Variants in MAP2 observed in about 807,000 individuals in gnomAD.
The protein encoded by MAP2 is microtubule-associated protein 2.
A neutral mutation model predicts 137.6 loss-of-function variants in MAP2; 14 were observed. That is an observed-to-expected ratio of 0.10 (90% CI 0.07 to 0.16). MAP2 has a LOEUF of 0.16. MAP2 is among the 10% of genes least tolerant of loss of function. The probability of loss-of-function intolerance (pLI) is 1.00; values close to 1 mark genes in which losing one functional copy is unlikely to be tolerated. For missense variants in MAP2, 2,088 were observed against 2,191.5 expected, an observed-to-expected ratio of 0.95 and a Z score of 0.94; for synonymous variants, 786 against 782.3, an observed-to-expected ratio of 1.00 and a Z score of -0.08.
intron 3 of MAP2, among the ~76,000 whole-genome samples, chr2:209,586,393 G>A (rs1429897186): frequency 3.9e-5 from 6 of 152,146 alleles, no homozygotes; most frequent in Non-Finnish European, 8.8e-5. Context: ...GGAAAAGAGG[G>A]TGAGACTTTT....
In MAP2 at chr2:209,573,298, G is replaced by GGTTTTTTTTTTTTTTT. The variant is rs770132978; in HGVS notation, c.-171-6738_-171-6737insGTTTTTTTTTTTTTTT. 1.1e-3 allele frequency among the ~76,000 whole-genome samples: 127 copies of GGTTTTTTTTTTTTTTT among 120,036 alleles called. 2 individuals are homozygous for GGTTTTTTTTTTTTTTT. Among genetic ancestry groups the GGTTTTTTTTTTTTTTT allele is most frequent in the African/African-American group, 3.9e-3 (119 of 30,170 alleles). The allele number at this position is 120,036 out of a possible 152,430, so 78.7% of individuals were successfully genotyped here. On this transcript the variant is annotated intron_variant, in intron 2 of 15. Coordinates refer to ENST00000682079, the MANE Select transcript of MAP2 (RefSeq NM_001375505.1). ...TTCTTTTCTTTATTTTTCTTTTTCT[G>GGTTTTTTTTTTTTTTT]TTTTTTTTTTTTTTTTGAGGAGTCT...
intron 3 of MAP2, among the ~76,000 whole-genome samples, chr2:209,611,675 A>G (rs1330878023): frequency 2.0e-5 from 3 of 152,158 alleles, no homozygotes; most frequent in African/African-American, 7.2e-5. Flanking sequence ...GAGTTATATG[A>G]GTCCATAACA....
At position 209,615,396 on chromosome 2, in the gene MAP2, G is replaced by A. The variant is rs372796749; in HGVS notation, c.-106-9657G>A. Reference sequence around the variant, plus strand: ...AGATGTTAAGCAAAACTCAAGAGAAGAGTTGAAGCCAAGAAACCACAGATT... The same window carrying A: ...AGATGTTAAGCAAAACTCAAGAGAAAAGTTGAAGCCAAGAAACCACAGATT... On this transcript the variant is annotated intron_variant, in intron 3 of 15. Coordinates refer to ENST00000682079, the MANE Select transcript of MAP2 (RefSeq NM_001375505.1). Among the ~76,000 whole-genome samples, 7 of 152,270 alleles carry A rather than the reference G, an allele frequency of 4.6e-5. No homozygotes were observed. The South Asian group carries it at 1.4e-3, about 32-fold the overall frequency.
chr2:209,566,229 A>G (rs2073383309), intron 2 of MAP2, among the ~76,000 whole-genome samples: 1 of 152,206 alleles, frequency 6.6e-6, no homozygotes, highest in African/African-American at 2.4e-5. Flanking sequence ...CCTAATTAAT[A>G]TATCCTCTGT....
chr2:209,681,077 G>A (rs1425600837), intron 7 of MAP2, among the ~76,000 whole-genome samples: 1 of 152,118 alleles, frequency 6.6e-6, no homozygotes, highest in East Asian at 1.9e-4. Context: ...GTGTTCAGTT[G>A]CTAAAATAAC....
intron 1 of MAP2, among the ~76,000 whole-genome samples, chr2:209,494,207 C>G (rs186308455): frequency 2.6e-5 from 4 of 152,254 alleles, no homozygotes; most frequent in Admixed American, 6.5e-5. Flanking sequence ...ACCACACATT[C>G]TCACTGATAA....
chr2:209,509,691 G>A (rs1207557310), intron 2 of MAP2, among the ~76,000 whole-genome samples: 1 of 151,646 alleles, frequency 6.6e-6, no homozygotes, highest in Non-Finnish European at 1.5e-5. Context: ...GTTACTTTTG[G>A]TTTAAAATAA....
chr2:209,442,981 C>T (rs138982654), intron 1 of MAP2, among the ~76,000 whole-genome samples: 342 of 151,634 alleles, frequency 2.3e-3, no homozygotes, highest in African/African-American at 7.2e-3. Context: ...CCATTAAATT[C>T]GCTATTTATA....
rs961142446 is a variant in MAP2, at chr2:209,690,511, C to T, written c.455-2114C>T. On this transcript the variant is annotated intron_variant, in intron 7 of 15. Coordinates refer to ENST00000682079, the MANE Select transcript of MAP2 (RefSeq NM_001375505.1). ...CAGCTGAGGTCTTCATGAGGTCATT[C>T]TAATGGAGCTGAAAGTGTTCCTTTA... The T allele has an allele frequency of 2.9e-6, 3 of 1,024,250 alleles. No homozygotes were observed. In the African/African-American group the frequency reaches 5.1e-5, roughly 17 times the overall value. The allele number at this position is 1,024,250 out of a possible 1,614,324, so 63.4% of individuals were successfully genotyped here.
chr2:209,666,914 C>T (rs1352838956), intron 5 of MAP2, among the ~76,000 whole-genome samples: 1 of 151,860 alleles, frequency 6.6e-6, no homozygotes, highest in Non-Finnish European at 1.5e-5. Context: ...CTTGAATCTC[C>T]TGAGGCTTGA....
At chr2:209,514,321 T>G (rs2062155062) in intron 2 of MAP2, among the ~76,000 whole-genome samples, 1 of 152,080 alleles carries the variant, frequency 6.6e-6, no homozygotes, top group Admixed American at 6.6e-5. Context: ...TTTGGGGTGA[T>G]TATTGTTTAA....
chr2:209,514,334 T>A (rs1448664017), intron 2 of MAP2, among the ~76,000 whole-genome samples: 1 of 151,952 alleles, frequency 6.6e-6, no homozygotes, highest in Non-Finnish European at 1.5e-5. Flanking sequence ...TTGTTTAAAG[T>A]CCTCCCTTTT....
intron 7 of MAP2, among the ~76,000 whole-genome samples, chr2:209,688,391 CATCT>C (rs1330441607): frequency 1.3e-5 from 2 of 152,090 alleles, no homozygotes; most frequent in African/African-American, 4.8e-5. Context: ...CTTTAAATAG[CATCT>C]TTAAATAGCA....
chr2:209,639,396 G>C lies in MAP2; in HGVS notation c.-29-13746G>C, dbSNP rs570588604. Reference sequence around the variant, plus strand: ...TGTATTAATTTGAGGATTAGGTTTTGTTTTAATTAATTAATTTTTTTGAAC... The same window carrying C: ...TGTATTAATTTGAGGATTAGGTTTTCTTTTAATTAATTAATTTTTTTGAAC... On this transcript the variant is annotated intron_variant, in intron 4 of 15. Transcript: ENST00000682079. Among the ~76,000 whole-genome samples, 3 of 152,122 alleles carry C rather than the reference G, an allele frequency of 2.0e-5. No individual in the cohort carries two copies. In the East Asian group the frequency reaches 5.8e-4, roughly 29 times the overall value.
intron 7 of MAP2, among the ~76,000 whole-genome samples, chr2:209,689,773 C>G (rs1276313096): frequency 1.3e-5 from 2 of 152,110 alleles, no homozygotes; most frequent in Non-Finnish European, 2.9e-5. Flanking sequence ...TATACATGAA[C>G]TACATTACTG....
At chr2:209,470,377 T>A (rs1235514503) in intron 1 of MAP2, among the ~76,000 whole-genome samples, 3 of 152,026 alleles carry the variant, frequency 2.0e-5, no homozygotes. Context: ...AGTTTGAATT[T>A]GTGCTATACT....
chr2:209,559,378 A>G (rs906373636), intron 2 of MAP2, among the ~76,000 whole-genome samples: 3 of 151,234 alleles, frequency 2.0e-5, no homozygotes, highest in Non-Finnish European at 4.4e-5. Flanking sequence ...TCACACCTGT[A>G]ATCCCAGCAC....
chr2:209,666,076 G>T (rs759916119), intron 5 of MAP2, among the ~76,000 whole-genome samples: 2 of 151,944 alleles, frequency 1.3e-5, no homozygotes, highest in Non-Finnish European at 2.9e-5. Flanking sequence ...GTTTATTTAT[G>T]TCTTTCTTTA....
chr2:209,451,954 TAGAG>T (rs1700421840), intron 1 of MAP2, among the ~76,000 whole-genome samples: 1 of 152,204 alleles, frequency 6.6e-6, no homozygotes, highest in South Asian at 2.1e-4. Flanking sequence ...CGATGAATTT[TAGAG>T]AGGCATACCT....
Sources: gnomAD v4.1 joint callset for allele counts (sites outside exome capture counted in the v4.1 genomes callset) on GRCh38, gnomAD v4.1.1 for gene constraint, MANE v1.5 for transcripts, NCBI Gene and HGNC (gene_info 2026-07-23, HGNC 2026-07-21) for gene names.